The following TYW1B variants were observed in gnomAD, a reference collection of about 807,000 sequenced individuals.
TYW1B encodes S-adenosyl-L-methionine-dependent tRNA 4-demethylwyosine synthase TYW1B.
TYW1B carries 73 observed loss-of-function variants against 86.9 expected under a neutral mutation model. The observed-to-expected ratio is 0.84, with a 90% CI of 0.70 to 1.02. The LOEUF (loss-of-function observed/expected upper bound fraction) is 1.02. Ranked by LOEUF, TYW1B falls within the 50% of genes least tolerant of loss-of-function variation. The pLI is 0.00. For missense variants in TYW1B, 637 were observed against 827.4 expected (o/e 0.77, Z 2.82); for synonymous variants, 248 against 292.8 (o/e 0.85, Z 1.56).
intron 6 of TYW1B, among the ~76,000 whole-genome samples, chr7:72,791,136 T>C (rs1345754464): frequency 1.3e-5 from 2 of 152,190 alleles, no homozygotes; most frequent in Non-Finnish European, 2.9e-5. Context: ...AGGAGCGCTA[T>C]GGAACGTCTG....
intron 3 of TYW1B, among the ~76,000 whole-genome samples, chr7:72,812,697 T>C (rs1359426862): frequency 1.3e-5 from 2 of 150,938 alleles, no homozygotes; most frequent in Non-Finnish European, 3.0e-5. Context: ...TGCTGCCTTT[T>C]GGGGTTTTTT....
intron 8 of TYW1B, among the ~76,000 whole-genome samples, chr7:72,733,778 G>A (rs1384065839): frequency 6.6e-6 from 1 of 152,172 alleles, no homozygotes; most frequent in African/African-American, 2.4e-5. Context: ...AATAAATATA[G>A]TTAAAGTTAT....
chr7:72,783,699 G>T (rs749448877), intron 6 of TYW1B, among the ~76,000 whole-genome samples: 1 of 152,134 alleles, frequency 6.6e-6, no homozygotes, highest in Non-Finnish European at 1.5e-5. Flanking sequence ...GAAAAGCAGC[G>T]TGCCCAAGCA....
chr7:72,783,762 A>G (rs2129572139), intron 6 of TYW1B, among the ~76,000 whole-genome samples: 1 of 152,340 alleles, frequency 6.6e-6, no homozygotes. Flanking sequence ...ACCTACCTTA[A>G]GAAGACAACA....
At chr7:72,694,380 C>T (rs1309327990) in intron 11 of TYW1B, among the ~76,000 whole-genome samples, 1 of 152,054 alleles carries the variant, frequency 6.6e-6, no homozygotes, top group Non-Finnish European at 1.5e-5. Flanking sequence ...GGTTCTAGGA[C>T]CAATTGTTAT....
At chr7:72,792,532 A>C (rs868923322) in intron 6 of TYW1B, among the ~76,000 whole-genome samples, 3 of 152,194 alleles carry the variant, frequency 2.0e-5, no homozygotes, top group Non-Finnish European at 4.4e-5. Flanking sequence ...TCTCTTCTAC[A>C]ATGGAAACAG....
chr7:72,695,725 T>C (rs1814300098), intron 10 of TYW1B, among the ~76,000 whole-genome samples: 1 of 152,050 alleles, frequency 6.6e-6, no homozygotes, highest in South Asian at 2.1e-4. Context: ...CTCAAGTAGC[T>C]GGGACCACAT....
chr7:72,634,037 T>C (rs1402427464), intron 11 of TYW1B, among the ~76,000 whole-genome samples: 1 of 152,212 alleles, frequency 6.6e-6, no homozygotes, highest in Non-Finnish European at 1.5e-5. Flanking sequence ...GGTACTTATG[T>C]GTCACCATAA....
intron 12 of TYW1B, among the ~76,000 whole-genome samples, chr7:72,617,425 T>C (rs1812104500): frequency 6.6e-6 from 1 of 152,208 alleles, no homozygotes. Flanking sequence ...TGGAGTGCAG[T>C]GGCACAATCG....
chr7:72,667,824 G>A (rs1554445612), intron 11 of TYW1B, among the ~76,000 whole-genome samples: 1 of 152,220 alleles, frequency 6.6e-6, no homozygotes, highest in African/African-American at 2.4e-5. Context: ...ATACTCTTCA[G>A]GCAATCTGAT....
At position 72,777,543 on chromosome 7, in the gene TYW1B, A is replaced by G. The variant is rs1554470799; in HGVS notation, c.847-10T>C. ...GCTGTTCCTTTTCTCTCTGCATTAA[A>G]ATAAAAGAATGAAATCCAGAATTGG... On this transcript the variant is annotated splice_polypyrimidine_tract_variant and intron_variant, in intron 6 of 13. Transcript: ENST00000620995. 1 of 1,613,706 alleles carries G rather than the reference A, an allele frequency of 6.2e-7. No individual in the cohort carries two copies. The highest frequency in any genetic ancestry group is 1.1e-5 in the South Asian group (1 of 91,054).
intron 13 of TYW1B, among the ~76,000 whole-genome samples, chr7:72,592,742 C>T (rs1356602776): frequency 2.6e-5 from 4 of 152,012 alleles, no homozygotes; most frequent in African/African-American, 4.8e-5. Context: ...ACAGCAGGAG[C>T]GGCTCTACTA....
At chr7:72,577,576 C>T (rs1811051562) in intron 13 of TYW1B, among the ~76,000 whole-genome samples, 1 of 152,204 alleles carries the variant, frequency 6.6e-6, no homozygotes, top group African/African-American at 2.4e-5. Flanking sequence ...GCCCTTCACA[C>T]CTCCATCGAT....
rs62466881 is a variant in TYW1B, at chr7:72,810,708, A to T, written c.238-43T>A. On this transcript the variant is annotated intron_variant, in intron 3 of 13. Coordinates refer to ENST00000620995, the MANE Select transcript of TYW1B (RefSeq NM_001145440.3). ...TGTTTCAGTGGAACATACAAGGCAT[A>T]AATTATCTCAACGAAGAAAATCCTT... The T allele has an allele frequency of 2.1e-3, 3,177 of 1,546,118 alleles. 9 individuals are homozygous for T. The highest frequency in any genetic ancestry group is 2.4e-3 in the Non-Finnish European group (2,785 of 1,144,812).
At chr7:72,580,122 C>A (rs1435753278) in intron 13 of TYW1B, among the ~76,000 whole-genome samples, 3 of 152,128 alleles carry the variant, frequency 2.0e-5, no homozygotes, top group African/African-American at 7.2e-5. Context: ...AACATTCAGT[C>A]CTTAAGAGTA....
intron 13 of TYW1B, among the ~76,000 whole-genome samples, chr7:72,612,790 C>G (rs552176709): frequency 5.9e-5 from 9 of 151,780 alleles, no homozygotes; most frequent in Non-Finnish European, 1.2e-4. Context: ...CACTCTGTTG[C>G]CCAGAATAAA....
intron 11 of TYW1B, among the ~76,000 whole-genome samples, chr7:72,655,365 C>T (rs1813174250): frequency 6.6e-6 from 1 of 152,160 alleles, no homozygotes; most frequent in African/African-American, 2.4e-5. Flanking sequence ...AGAGAGAATT[C>T]ACACTGGGTC....
intron 3 of TYW1B, among the ~76,000 whole-genome samples, chr7:72,813,236 C>A (rs1391355882): frequency 6.2e-5 from 9 of 145,438 alleles, no homozygotes; most frequent in African/African-American, 2.1e-4. Flanking sequence ...AGGGCAATGG[C>A]GCAATCTCGG....
At chr7:72,819,502 G>A (rs1242457339) in intron 2 of TYW1B, among the ~76,000 whole-genome samples, 1 of 152,118 alleles carries the variant, frequency 6.6e-6, no homozygotes, top group Non-Finnish European at 1.5e-5. Flanking sequence ...GCACAGTCAC[G>A]GCTTACTGCA....
Sources: gnomAD v4.1 joint callset for allele counts (sites outside exome capture counted in the v4.1 genomes callset) on GRCh38, gnomAD v4.1.1 for gene constraint, MANE v1.5 for transcripts, NCBI Gene and HGNC (gene_info 2026-07-23, HGNC 2026-07-21) for gene names.